The following PCDHA2 variants were observed in gnomAD, a reference collection of about 807,000 sequenced individuals.
PCDHA2 encodes protocadherin alpha 2.
PCDHA2 carries 58 observed loss-of-function variants against 66.0 expected under a neutral mutation model. That is an observed-to-expected ratio of 0.88 (90% confidence interval 0.71 to 1.09). The LOEUF (loss-of-function observed/expected upper bound fraction) is 1.09, where lower values mean the gene tolerates loss of function less well. Among genes scored for constraint, PCDHA2 ranks in the 50% least tolerant of loss-of-function variants. PCDHA2 has a pLI of 0.00. For synonymous variants in PCDHA2, 634 were observed against 554.0 expected, an observed-to-expected ratio of 1.14 and a Z score of -2.03; for missense variants, 1,267 against 1,242.3, an observed-to-expected ratio of 1.02 and a Z score of -0.30.
rs371212960 is a variant in PCDHA2 at position 140,891,914 on chromosome 5, C to T, written c.2389-87035C>T. ...GCAGCAAGAAGATCTTCACCAGATG[C>T]TGGTGCCTTGATCTTGGACTTCCCC... On this transcript the variant is annotated intron_variant, in intron 1 of 3. Transcript: ENST00000526136. Among the ~76,000 whole-genome samples the T allele has an allele frequency of 2.6e-3, 395 of 152,328 alleles. 2 individuals carry two copies. The highest frequency in any genetic ancestry group is 9.2e-3 in the African/African-American group (384 of 41,572).
chr5:140,882,104 A>C, intron 1 of PCDHA2: 2 of 1,343,832 alleles, frequency 1.5e-6, no homozygotes. Context: ...CGTTTCCGCG[A>C]AGAAAGCCGC....
In PCDHA2 at chr5:140,922,322, GA is replaced by G. The variant is rs2080774913; in HGVS notation, c.2389-56624del. Among the ~76,000 whole-genome samples the G allele has an allele frequency of 2.0e-5, 3 of 152,302 alleles. No homozygotes were observed. The East Asian group carries it at 5.8e-4, about 29-fold the overall frequency. ...AGGATACCTTTCACTGAAGATCTTG[GA>G]AAGGGTTGGTATATTGGTATTTTCT... On this transcript the variant is annotated intron_variant, in intron 1 of 3. Transcript: ENST00000526136.
intron 1 of PCDHA2, among the ~76,000 whole-genome samples, chr5:140,805,983 A>G (rs1056274462): frequency 3.9e-5 from 6 of 152,210 alleles, no homozygotes; most frequent in South Asian, 2.1e-4. Flanking sequence ...TTTAAAATAT[A>G]TATTCCAAAA....
intron 1 of PCDHA2, chr5:140,857,275 C>T: frequency 6.3e-7 from 1 of 1,598,374 alleles, no homozygotes; most frequent in Non-Finnish European, 8.6e-7. Context: ...TGGTGCTGGA[C>T]AGCGCTCTGG....
intron 3 of PCDHA2, among the ~76,000 whole-genome samples, chr5:140,986,392 C>T (rs1331552974): frequency 1.3e-5 from 2 of 152,162 alleles, no homozygotes; most frequent in South Asian, 2.1e-4. Context: ...CATTAAAGGG[C>T]CAGTCGCTCA....
rs2150132221 is a variant in PCDHA2 at position 140,824,107 on chromosome 5, G to T, written c.2388+26755G>T. ...GGCCTTCAGTCCAAGCCTTCCTCAG[G>T]GTCCCACCTCTACAGACAACGTGAG... On this transcript the variant is annotated intron_variant, in intron 1 of 3. Transcript: ENST00000526136. The T allele has an allele frequency of 6.2e-6, 10 of 1,613,972 alleles. No homozygotes were observed. In the South Asian group the frequency reaches 9.9e-5, roughly 16 times the overall value.
At chr5:140,979,937 A>G (rs563499415) in intron 2 of PCDHA2, among the ~76,000 whole-genome samples, 1 of 152,388 alleles carries the variant, frequency 6.6e-6, no homozygotes, top group African/African-American at 2.4e-5. Context: ...GTATGTGTAG[A>G]GTTAATGTGA....
chr5:140,876,079 G>C, intron 1 of PCDHA2: 1 of 1,613,940 alleles, frequency 6.2e-7, no homozygotes, highest in Non-Finnish European at 8.5e-7. Flanking sequence ...ATTGGACAGA[G>C]AGCAAACGCC....
chr5:140,841,541 C>T, intron 1 of PCDHA2: 3 of 1,613,720 alleles, frequency 1.9e-6, no homozygotes, highest in Non-Finnish European at 2.5e-6. Context: ...ACACCGGGAC[C>T]TTCTGGAGGT....
At chr5:140,924,881 C>T (rs1177812297) in intron 1 of PCDHA2, among the ~76,000 whole-genome samples, 20 of 141,170 alleles carry the variant, frequency 1.4e-4, no homozygotes, top group African/African-American at 5.5e-4. Flanking sequence ...GGTGACAGAG[C>T]AAGAACCTGT....
intron 1 of PCDHA2, chr5:140,869,390 G>A: frequency 1.2e-6 from 2 of 1,614,230 alleles, no homozygotes; most frequent in Non-Finnish European, 1.7e-6. Flanking sequence ...GAGGAGCTGT[G>A]CGGGCAGAGC....
chr5:140,892,536 A>G (rs916916323), intron 1 of PCDHA2, among the ~76,000 whole-genome samples: 1 of 152,208 alleles, frequency 6.6e-6, no homozygotes, highest in African/African-American at 2.4e-5. Flanking sequence ...CAGGATTCTG[A>G]CTTTTGTTTC....
chr5:140,979,241 G>A (rs766062040), intron 2 of PCDHA2, among the ~76,000 whole-genome samples: 4 of 152,150 alleles, frequency 2.6e-5, no homozygotes, highest in Non-Finnish European at 5.9e-5. Context: ...CACAGAAACA[G>A]GCTGCTATGT....
chr5:140,889,108 T>C (rs553126619), intron 1 of PCDHA2, among the ~76,000 whole-genome samples: 3 of 151,936 alleles, frequency 2.0e-5, no homozygotes, highest in Admixed American at 1.3e-4. Context: ...TCATCTTTAT[T>C]CCAGGTGATA....
Position 140,848,312 on chromosome 5 carries a change from C to A in PCDHA2, c.2388+50960C>A, listed in dbSNP as rs4151686. 12 of 726,146 alleles carry A rather than the reference C, an allele frequency of 1.7e-5. 1 individual carries two copies. Among genetic ancestry groups the A allele is most frequent in the Non-Finnish European group, 2.5e-5 (11 of 437,168 alleles). The allele number at this position is 726,146 out of a possible 1,614,324, so 45.0% of individuals were successfully genotyped here. On this transcript the variant is annotated intron_variant, in intron 1 of 3. Transcript: ENST00000526136. ...TTGGGCCACGTGATGTCACTCTTTG[C>A]CGCGATGTTCTCTCTGAATCCAGAC... is the stretch of plus-strand genomic sequence containing the variant.
chr5:140,822,736 G>A, intron 1 of PCDHA2: 1 of 1,613,386 alleles, frequency 6.2e-7, no homozygotes, highest in Non-Finnish European at 8.5e-7. Context: ...TAATATTGAT[G>A]CCATGGATAA....
chr5:140,808,778 C>T (rs781867451), intron 1 of PCDHA2: 12 of 1,612,450 alleles, frequency 7.4e-6, no homozygotes, highest in Non-Finnish European at 9.3e-6. Flanking sequence ...GCTAGAGCTG[C>T]TGCAGTTTCA....
chr5:140,877,625 A>T (rs1554169929), intron 1 of PCDHA2: 1 of 1,613,774 alleles, frequency 6.2e-7, no homozygotes, highest in Non-Finnish European at 8.5e-7. Context: ...CTGCTGCTGT[A>T]CACTGCGCTG....
intron 1 of PCDHA2, chr5:140,967,572 A>T (rs782502082): frequency 4.3e-6 from 7 of 1,613,544 alleles, no homozygotes; most frequent in Middle Eastern, 3.3e-4. Flanking sequence ...CTACGGGAGG[A>T]CTCACCCCCA....
Sources: allele counts gnomAD v4.1 joint callset (sites outside exome capture counted in the v4.1 genomes callset), GRCh38; gene constraint gnomAD v4.1.1; transcripts MANE v1.5; gene names NCBI Gene and HGNC (gene_info 2026-07-23, HGNC 2026-07-21).